ABAT: variants seen among roughly 807,000 people sequenced by gnomAD.
ABAT encodes 4-aminobutyrate aminotransferase, also known as 4-aminobutyrate aminotransferase, mitochondrial.
A neutral mutation model predicts 64.6 loss-of-function variants in ABAT; 45 were observed. The observed-to-expected ratio is 0.70, with a 90% CI of 0.55 to 0.89. The LOEUF (loss-of-function observed/expected upper bound fraction) is 0.89. ABAT is among the 40% of genes least tolerant of loss of function. The pLI is 0.00. For missense variants in ABAT, 633 were observed against 658.4 expected (o/e 0.96, Z 0.42); for synonymous variants, 297 against 250.5 (o/e 1.19, Z -1.75).
intron 1 of ABAT, among the ~76,000 whole-genome samples, chr16:8,686,528 T>C (rs756165926): frequency 6.6e-6 from 1 of 152,186 alleles, no homozygotes; most frequent in Non-Finnish European, 1.5e-5. Context: ...ATTGGCTGTG[T>C]ATTTGTGTGT....
chr16:8,729,695 G>A lies in ABAT; in HGVS notation c.-41-6004G>A, dbSNP rs1208588703. Among the ~76,000 whole-genome samples, 2 of 152,006 alleles carry A rather than the reference G, an allele frequency of 1.3e-5. 1 individual carries two copies. Among genetic ancestry groups the A allele is most frequent in the East Asian group, 3.9e-4 (2 of 5,182 alleles). The stretch of plus-strand genomic sequence containing the variant: ...TTAAAAATTAGCTGGGTATGGTGGT[G>A]CATGCCTGTAGTCCCAGCTACTTGG... On this transcript the variant is annotated intron_variant, in intron 1 of 15. Transcript: ENST00000268251.
At chr16:8,773,037 C>G in intron 12 of ABAT, 120 bp downstream of exon 12, 1 of 1,390,756 alleles carries the variant, frequency 7.2e-7, no homozygotes, top group South Asian at 1.2e-5. Context: ...CTTGCAGAGG[C>G]TGTCTGTCAG....
At chr16:8,688,953 GC>G (rs1341869791) in intron 1 of ABAT, among the ~76,000 whole-genome samples, 2 of 152,074 alleles carry the variant, frequency 1.3e-5, no homozygotes, top group African/African-American at 2.4e-5. Flanking sequence ...GGTGGCAGGT[GC>G]CTTTAGTCCC....
chr16:8,781,408 A>C lies in ABAT; in HGVS notation c.1481A>C (p.Asp494Ala). ...HAHLFLNIFS[D>A]ILADFK The stretch of plus-strand genomic sequence containing the variant: ...CACCTGTTCCTCAATATTTTCAGTG[A>C]CATCTTAGCAGACTTCAAGTAAAGA... Residue 494 changes from aspartate (D) to alanine (A), a missense_variant, in exon 16 of 16, where the codon GAC (aspartate) becomes GCC (alanine). Transcript: ENST00000268251. This position sits in a 1 kb window ranked among gnomAD's most constrained non-coding sequence, Gnocchi z 4.5. 1 of 1,614,230 alleles carries C rather than the reference A, an allele frequency of 6.2e-7. No homozygotes were observed. The highest frequency in any genetic ancestry group is 8.5e-7 in the Non-Finnish European group (1 of 1,180,048).
chr16:8,725,163 G>T (rs372307558), intron 1 of ABAT, among the ~76,000 whole-genome samples: 1 of 152,138 alleles, frequency 6.6e-6, no homozygotes, highest in African/African-American at 2.4e-5. Flanking sequence ...TGATCTACCC[G>T]TCTCGGCCTC....
chr16:8,745,814 T>A (rs1000838793), intron 2 of ABAT, among the ~76,000 whole-genome samples, 187 bp from the exon 3 acceptor site: 10 of 152,238 alleles, frequency 6.6e-5, no homozygotes, highest in African/African-American at 2.2e-4. Context: ...TTCCCTTTTT[T>A]AAAATCTACA....
At chr16:8,689,252 G>A (rs759476544) in intron 1 of ABAT, among the ~76,000 whole-genome samples, 18 of 152,026 alleles carry the variant, frequency 1.2e-4, no homozygotes, top group Non-Finnish European at 2.2e-4. Flanking sequence ...TAGTTCATTT[G>A]GCCCAGTATC....
chr16:8,700,755 C>G lies in ABAT; in HGVS notation c.-42+26044C>G, dbSNP rs145899830. On this transcript the variant is annotated intron_variant, in intron 1 of 15. Transcript: ENST00000268251. ...GGACTACAGGTGTGCACCACTACAC[C>G]TGGCGCATTTTAAAACATTTTTTTT... Among the ~76,000 whole-genome samples the G allele has an allele frequency of 3.9e-3, 592 of 152,224 alleles. 6 individuals carry two copies. The highest frequency in any genetic ancestry group is 0.031 in the Middle Eastern group (9 of 294).
intron 1 of ABAT, among the ~76,000 whole-genome samples, chr16:8,677,364 G>A (rs2057228700): frequency 6.6e-6 from 1 of 152,234 alleles, no homozygotes; most frequent in South Asian, 2.1e-4. Context: ...GAGAGACAGT[G>A]TAGTATGTGG....
At chr16:8,749,494 G>A (rs1344408453) in intron 4 of ABAT, among the ~76,000 whole-genome samples, 4 of 137,266 alleles carry the variant, frequency 2.9e-5, no homozygotes, top group African/African-American at 1.1e-4. Context: ...CGCCTCCTGG[G>A]TTCAAGTGAT....
At chr16:8,733,127 A>G (rs1418609268) in intron 1 of ABAT, among the ~76,000 whole-genome samples, 2 of 85,258 alleles carry the variant, frequency 2.3e-5, no homozygotes, top group South Asian at 4.2e-4. Flanking sequence ...CGGGGGGCTG[A>G]CCCCCCCCCA....
rs1455296307 is a variant in ABAT at position 8,781,759 on chromosome 16, C to T, written c.*329C>T. Reference sequence around the variant, plus strand: ...CCAACCCCAGCAATTTTTCCAAAAGCCAGTCAAGGGCATTACATTTGTTCC... The same window carrying T: ...CCAACCCCAGCAATTTTTCCAAAAGTCAGTCAAGGGCATTACATTTGTTCC... On this transcript the variant is annotated 3_prime_UTR_variant, in exon 16 of 16. Transcript: ENST00000268251. This position sits in a 1 kb window ranked among gnomAD's most constrained non-coding sequence, Gnocchi z 4.5. 2 of 420,898 alleles carry T rather than the reference C, an allele frequency of 4.8e-6. No individual in the cohort carries two copies. The highest frequency in any genetic ancestry group is 3.5e-5 in the Admixed American group (1 of 28,256). 26.1% of individuals were successfully genotyped at this position (420,898 alleles called of 1,614,324 possible). A position where few individuals can be genotyped will look rare whatever the true frequency, so the allele number is the denominator to read the frequency against.
chr16:8,776,332 T>G lies in ABAT; in HGVS notation c.1123-12T>G. ...GTGTGTGAAGCCTTCCAACACCCGT[T>G]CCTCATTCCAGCCCTACCGGATCTT... On this transcript the variant is annotated splice_polypyrimidine_tract_variant and intron_variant, in intron 13 of 15. Coordinates refer to ENST00000268251, the MANE Select transcript of ABAT (RefSeq NM_020686.6). This position sits in a 1 kb window ranked among gnomAD's most constrained non-coding sequence, Gnocchi z 4.4. The G allele has an allele frequency of 6.2e-7, 1 of 1,614,172 alleles. No individual in the cohort carries two copies. The highest frequency in any genetic ancestry group is 1.1e-5 in the South Asian group (1 of 91,074).
Position 8,764,024 on chromosome 16 carries a change from G to A in ABAT, c.367-45G>A. ...AGCACCATTTGTGGGCAGGGAGCTG[G>A]GTCAGGCCCCCAGAAGTCACCATTT... On this transcript the variant is annotated intron_variant, in intron 6 of 15. Transcript: ENST00000268251. The surrounding 1 kb of genome is among the most constrained non-coding windows in gnomAD (Gnocchi z 4.2). The A allele has an allele frequency of 1.3e-6, 2 of 1,541,572 alleles. No individual in the cohort carries two copies. The highest frequency in any genetic ancestry group is 1.8e-6 in the Non-Finnish European group (2 of 1,114,068).
chr16:8,755,049 T>A (rs1747494954), intron 5 of ABAT, among the ~76,000 whole-genome samples: 1 of 152,224 alleles, frequency 6.6e-6, no homozygotes, highest in Admixed American at 6.5e-5. Flanking sequence ...CTTCTTACTC[T>A]TTGGGGCACA....
At chr16:8,772,252 C>CTG (rs55677241) in intron 11 of ABAT, among the ~76,000 whole-genome samples, 9 of 147,854 alleles carry the variant, frequency 6.1e-5, no homozygotes, top group African/African-American at 1.7e-4. Context: ...CTCTCTGTCT[C>CTG]TGTGTGTGTG....
Position 8,774,804 on chromosome 16 carries a change from G to T in ABAT, c.955-86G>T, listed in dbSNP as rs1415720046. On this transcript the variant is annotated intron_variant, in intron 12 of 15. Coordinates refer to ENST00000268251, the MANE Select transcript of ABAT (RefSeq NM_020686.6). ...CAAGCACGATGTGTGTGGACCCAGG[G>T]TTTGGCAGTTAGCTGGCTATGGAGG... is the stretch of plus-strand genomic sequence containing the variant. The T allele has an allele frequency of 1.0e-5, 16 of 1,538,524 alleles. No homozygotes were observed. In the Admixed American group the frequency reaches 1.2e-4, roughly 11 times the overall value.
At chr16:8,700,154 G>A (rs925960697) in intron 1 of ABAT, among the ~76,000 whole-genome samples, 1 of 152,036 alleles carries the variant, frequency 6.6e-6, no homozygotes, top group East Asian at 1.9e-4. Context: ...TGTCCTGAAC[G>A]CACACTGTGC....
intron 1 of ABAT, among the ~76,000 whole-genome samples, chr16:8,729,828 TA>T (rs5815494): frequency 7.0e-4 from 90 of 128,416 alleles, no homozygotes; most frequent in African/African-American, 1.5e-3. Context: ...TTTTTTGTCT[TA>T]AAAAAAAAAA....
Sources: allele counts gnomAD v4.1 joint callset (sites outside exome capture counted in the v4.1 genomes callset), GRCh38; gene constraint gnomAD v4.1.1; non-coding constraint Gnocchi (gnomAD v3.1); transcripts MANE v1.5; gene names NCBI Gene and HGNC (gene_info 2026-07-23, HGNC 2026-07-21).